The following ANO6 variants were observed in gnomAD, a reference collection of about 807,000 sequenced individuals.
The protein encoded by ANO6 is anoctamin-6.
Under a neutral mutation model 117.5 loss-of-function variants are expected in ANO6, and 106 were observed. The ratio of observed to expected loss-of-function variants is 0.90; its 90% CI spans 0.77 to 1.06. The LOEUF is 1.06. Among genes scored for constraint, ANO6 ranks in the 50% least tolerant of loss-of-function variants. The pLI, the probability that ANO6 is intolerant of heterozygous loss-of-function variation, is 0.00. For synonymous variants in ANO6, 367 were observed against 385.1 expected (o/e 0.95, Z 0.55); for missense variants, 955 against 1,121.1 (o/e 0.85, Z 2.12).
chr12:45,370,050 T>G (rs1211993448), intron 9 of ANO6, among the ~76,000 whole-genome samples: 1 of 152,242 alleles, frequency 6.6e-6, no homozygotes, highest in Non-Finnish European at 1.5e-5. Flanking sequence ...TGCAGCTCTT[T>G]CTTTTCTTTC....
intron 1 of ANO6, among the ~76,000 whole-genome samples, chr12:45,236,247 AT>A (rs1378314299): frequency 6.6e-6 from 1 of 152,036 alleles, no homozygotes; most frequent in Admixed American, 6.6e-5. Context: ...TATTATTATT[AT>A]TTTTTTAAGT....
intron 1 of ANO6, among the ~76,000 whole-genome samples, chr12:45,293,505 TA>T (rs67790505): frequency 0.041 from 6,103 of 150,456 alleles, 196 homozygotes; most frequent in East Asian, 0.086. Flanking sequence ...AATCACTCTT[TA>T]AAAAAAAAAA....
At chr12:45,290,379 G>T (rs572600202) in intron 1 of ANO6, among the ~76,000 whole-genome samples, 1 of 152,166 alleles carries the variant, frequency 6.6e-6, no homozygotes, top group South Asian at 2.1e-4. Context: ...AATGTACTTG[G>T]AGCTGAAAGA....
At chr12:45,363,631 T>C (rs1941612796) in intron 8 of ANO6, among the ~76,000 whole-genome samples, 1 of 151,936 alleles carries the variant, frequency 6.6e-6, no homozygotes, top group Admixed American at 6.6e-5. Flanking sequence ...ATGATTTGGC[T>C]GTGTCCTCAC....
intron 1 of ANO6, among the ~76,000 whole-genome samples, chr12:45,253,210 G>A (rs1181192245): frequency 6.6e-6 from 1 of 152,162 alleles, no homozygotes; most frequent in East Asian, 1.9e-4. Context: ...AATTGCATAA[G>A]TATTACATTG....
At chr12:45,422,801 T>C (rs1416080202) in intron 18 of ANO6, among the ~76,000 whole-genome samples, 156 bp from the exon 19 acceptor site, 4 of 152,194 alleles carry the variant, frequency 2.6e-5, no homozygotes, top group Non-Finnish European at 5.9e-5. Context: ...GTCGCACTCC[T>C]GGCCTCAAGT....
chr12:45,344,445 C>G (rs1430494263), intron 3 of ANO6, among the ~76,000 whole-genome samples: 3 of 152,136 alleles, frequency 2.0e-5, no homozygotes, highest in Non-Finnish European at 2.9e-5. Context: ...CAGGAAACTT[C>G]CAATCATGGC....
intron 2 of ANO6, among the ~76,000 whole-genome samples, chr12:45,304,670 C>T (rs1939607213): frequency 6.6e-6 from 1 of 152,112 alleles, no homozygotes; most frequent in Non-Finnish European, 1.5e-5. Flanking sequence ...TAGAGTTTGG[C>T]TAACAGGGAA....
At chr12:45,347,223 C>A in intron 4 of ANO6, 136 bp downstream of exon 4, 1 of 794,172 alleles carries the variant, frequency 1.3e-6, no homozygotes, top group Non-Finnish European at 2.2e-6. Context: ...AGGAGTCAAT[C>A]AAAATCTGCA....
At chr12:45,413,786 C>T (rs1943147113) in intron 16 of ANO6, among the ~76,000 whole-genome samples, 1 of 148,258 alleles carries the variant, frequency 6.7e-6, no homozygotes, top group African/African-American at 2.6e-5. Context: ...AAAGGAAGAG[C>T]CAGCACCTAC....
chr12:45,416,657 C>T, intron 16 of ANO6, 42 bp from the exon 17 acceptor site: 2 of 1,593,696 alleles, frequency 1.3e-6, no homozygotes, highest in South Asian at 1.1e-5. Flanking sequence ...GTTGTCCTTC[C>T]ATCCACCACC....
At chr12:45,433,760 T>C (rs1316796717), downstream of ANO6, among the ~76,000 whole-genome samples, 1 of 152,202 alleles carries the variant, frequency 6.6e-6, no homozygotes, top group Non-Finnish European at 1.5e-5. Flanking sequence ...CCTTGCAGCA[T>C]TCCTGAGGGG....
intron 1 of ANO6, among the ~76,000 whole-genome samples, chr12:45,288,061 T>C (rs964715760): frequency 1.3e-5 from 2 of 152,202 alleles, no homozygotes; most frequent in African/African-American, 4.8e-5. Flanking sequence ...ATGGTCGTTA[T>C]GGACTGAAGC....
chr12:45,247,604 T>C (rs932910988), intron 1 of ANO6, among the ~76,000 whole-genome samples: 2 of 152,224 alleles, frequency 1.3e-5, no homozygotes, highest in Admixed American at 6.5e-5. Context: ...AATTTTCTCA[T>C]GGTTCTGGAG....
chr12:45,261,328 G>C (rs1938026228), intron 1 of ANO6, among the ~76,000 whole-genome samples: 1 of 152,108 alleles, frequency 6.6e-6, no homozygotes, highest in South Asian at 2.1e-4. Flanking sequence ...CTAGGTAGAG[G>C]GCCGTTTTTA....
chr12:45,330,494 A>G (rs1479886208), intron 2 of ANO6, among the ~76,000 whole-genome samples: 1 of 152,156 alleles, frequency 6.6e-6, no homozygotes, highest in Non-Finnish European at 1.5e-5. Flanking sequence ...GCATTCTGAC[A>G]AGCTGTGTGA....
intron 15 of ANO6, among the ~76,000 whole-genome samples, chr12:45,407,413 C>G (rs1412934083): frequency 6.7e-6 from 1 of 150,010 alleles, no homozygotes. Flanking sequence ...AGAAACCACA[C>G]CCAGTGACCT....
intron 9 of ANO6, among the ~76,000 whole-genome samples, chr12:45,373,822 A>G (rs1168076312): frequency 6.6e-6 from 1 of 152,156 alleles, no homozygotes; most frequent in Non-Finnish European, 1.5e-5. Context: ...AAGAGCAAAC[A>G]CATTCAAAAG....
At chr12:45,224,612 C>A (rs1172186299) in intron 1 of ANO6, among the ~76,000 whole-genome samples, 2 of 152,100 alleles carry the variant, frequency 1.3e-5, no homozygotes, top group Non-Finnish European at 2.9e-5. Context: ...AATAGCTTTC[C>A]AAAAGGTCCT....
Sources: allele counts gnomAD v4.1 joint callset (sites outside exome capture counted in the v4.1 genomes callset), GRCh38; gene constraint gnomAD v4.1.1; transcripts MANE v1.5; gene names NCBI Gene and HGNC (gene_info 2026-07-23, HGNC 2026-07-21).